Variants in ZKSCAN1 observed in about 807,000 individuals in gnomAD.
ZKSCAN1 encodes zinc finger protein with KRAB and SCAN domains 1.
Under a neutral mutation model 51.6 loss-of-function variants are expected in ZKSCAN1, and 14 were observed. The ratio of observed to expected loss-of-function variants is 0.27; its 90% CI spans 0.18 to 0.42. ZKSCAN1 has a LOEUF of 0.42. Among genes scored for constraint, ZKSCAN1 ranks in the 10% least tolerant of loss-of-function variants. ZKSCAN1 has a pLI of 1.00. For synonymous variants in ZKSCAN1, 263 were observed against 261.5 expected, an observed-to-expected ratio of 1.01 and a Z score of -0.06; for missense variants, 531 against 710.0, an observed-to-expected ratio of 0.75 and a Z score of 2.86.
intron 1 of ZKSCAN1, among the ~76,000 whole-genome samples, chr7:100,023,102 C>T (rs1408928493): frequency 6.6e-6 from 1 of 152,104 alleles, no homozygotes; most frequent in Non-Finnish European, 1.5e-5. Flanking sequence ...CCTCCACCTC[C>T]TGGGTTCAAG....
rs979871824 is a variant in ZKSCAN1, at chr7:100,033,071, C to T, written c.800-234C>T. Among the ~76,000 whole-genome samples the T allele has an allele frequency of 2.8e-4, 42 of 151,646 alleles. No homozygotes were observed. Among genetic ancestry groups the T allele is most frequent in the Non-Finnish European group, 5.1e-4 (35 of 67,974 alleles). ...CCTATAGTCCCAGCTACTTGGGAGG[C>T]TGAGGCAGGAGAATCACTTGAACCT... On this transcript the variant is annotated intron_variant, in intron 5 of 5. Coordinates refer to ENST00000324306, the MANE Select transcript of ZKSCAN1 (RefSeq NM_003439.4). This position sits in a 1 kb window ranked among gnomAD's most constrained non-coding sequence, Gnocchi z 4.1.
chr7:100,016,179 G>T (rs1163839193), intron 1 of ZKSCAN1, among the ~76,000 whole-genome samples: 5 of 152,204 alleles, frequency 3.3e-5, no homozygotes, highest in Admixed American at 3.3e-4. Flanking sequence ...TGAGCGGAAG[G>T]ATGAGAGATG....
chr7:100,016,689 A>G (rs1183513026), intron 1 of ZKSCAN1: 1 of 152,262 alleles, frequency 6.6e-6, no homozygotes, highest in Non-Finnish European at 1.5e-5. Context: ...CCCTGTACAC[A>G]GTAAGATACT....
In ZKSCAN1 at chr7:100,040,668, G is replaced by A. The variant is rs1020981188; in HGVS notation, c.*6471G>A. ...ATGGAAGGAGAAGGGGGAAGAGGAC[G>A]GTAACGGCCCCACACTCCAGGCTGA... is the stretch of plus-strand genomic sequence containing the variant. On this transcript the variant is annotated 3_prime_UTR_variant, in exon 6 of 6. Transcript: ENST00000324306. The A allele has an allele frequency of 7.6e-5, 75 of 985,452 alleles. No homozygotes were observed. In the South Asian group the frequency reaches 1.9e-3, roughly 25 times the overall value. The allele number at this position is 985,452 out of a possible 1,614,324, so 61.0% of individuals were successfully genotyped here.
Position 100,039,615 on chromosome 7 carries a change from A to T in ZKSCAN1, c.*5418A>T. The T allele has an allele frequency of 3.0e-6, 3 of 985,380 alleles. No homozygotes were observed. The highest frequency in any genetic ancestry group is 3.6e-6 in the Non-Finnish European group (3 of 829,922). The allele number at this position is 985,380 out of a possible 1,614,324, so 61.0% of individuals were successfully genotyped here. A position where few individuals can be genotyped will look rare whatever the true frequency, so the allele number is the denominator to read the frequency against. ...ACTTTTATTCCAGGTAGTCATGCTGATCTGCTTATCCAAAGCCAGCTAACC... is the reference window on the plus strand; with the variant it reads ...ACTTTTATTCCAGGTAGTCATGCTGTTCTGCTTATCCAAAGCCAGCTAACC... On this transcript the variant is annotated 3_prime_UTR_variant, in exon 6 of 6. Transcript: ENST00000324306.
At chr7:100,026,476 C>G (rs908472523) in intron 3 of ZKSCAN1, among the ~76,000 whole-genome samples, 7 of 152,050 alleles carry the variant, frequency 4.6e-5, no homozygotes, top group Middle Eastern at 3.4e-3. Context: ...TGGCTTAATC[C>G]CAGCACTTCG....
chr7:100,016,518 C>T (rs1302361922), intron 1 of ZKSCAN1, among the ~76,000 whole-genome samples: 1 of 152,076 alleles, frequency 6.6e-6, no homozygotes, highest in African/African-American at 2.4e-5. Context: ...TTGGATAAGA[C>T]GAGACACTCA....
At chr7:100,043,298 C>T (rs1791645766), downstream of ZKSCAN1, among the ~76,000 whole-genome samples, 1 of 148,220 alleles carries the variant, frequency 6.7e-6, no homozygotes, top group Admixed American at 6.7e-5. Context: ...AACTCCTGTC[C>T]TCAAGCAATC....
At chr7:100,044,674 C>G, downstream of ZKSCAN1, 1 of 555,290 alleles carries the variant, frequency 1.8e-6, no homozygotes. Flanking sequence ...GCGTGAGACT[C>G]TATCTCAAAA....
Position 100,037,928 on chromosome 7 carries a change from G to A in ZKSCAN1, c.*3731G>A. The A allele has an allele frequency of 1.2e-6, 1 of 806,978 alleles. No individual in the cohort carries two copies. The highest frequency in any genetic ancestry group is 1.5e-6 in the Non-Finnish European group (1 of 667,500). The allele number at this position is 806,978 out of a possible 1,614,324, so 50.0% of individuals were successfully genotyped here. A position where few individuals can be genotyped will look rare whatever the true frequency, so the allele number is the denominator to read the frequency against. On this transcript the variant is annotated 3_prime_UTR_variant, in exon 6 of 6. Transcript: ENST00000324306. ...CCAGCTACTCGGGAGGCTGAGGCAG[G>A]AGAATGGCTTGAACCTGCGAGGCGG...
At chr7:100,018,010 G>A (rs189176490) in intron 1 of ZKSCAN1, among the ~76,000 whole-genome samples, 4 of 152,312 alleles carry the variant, frequency 2.6e-5, no homozygotes, top group Admixed American at 6.5e-5. Context: ...ACTATTTTAA[G>A]TGCTTTATAT....
chr7:100,033,543 T>G lies in ZKSCAN1; in HGVS notation c.1038T>G (p.Gly346=), dbSNP rs1791209584. The part of the protein sequence containing the change: ...KDKKTITGER[G]PREKGKGLGR... ...AAAAAACCATCACAGGAGAGAGAGG[T>G]CCAAGGGAGAAGGGGAAAGGATTGG... Residue 346 remains glycine (G), a synonymous_variant, in exon 6 of 6, where the codon GGT becomes GGG. Transcript: ENST00000324306. The surrounding 1 kb of genome is among the most constrained non-coding windows in gnomAD (Gnocchi z 4.1). The G allele has an allele frequency of 6.2e-7, 1 of 1,613,012 alleles. No homozygotes were observed. The highest frequency in any genetic ancestry group is 8.5e-7 in the Non-Finnish European group (1 of 1,179,808).
At chr7:100,029,255 T>G (rs1790992245) in intron 3 of ZKSCAN1, among the ~76,000 whole-genome samples, 1 of 152,094 alleles carries the variant, frequency 6.6e-6, no homozygotes, top group African/African-American at 2.4e-5. Context: ...TAAAGTGTTT[T>G]TTTTGTTGTT....
At chr7:100,029,257 TTTG>T (rs1204049589) in intron 3 of ZKSCAN1, among the ~76,000 whole-genome samples, 3 of 152,226 alleles carry the variant, frequency 2.0e-5, no homozygotes, top group East Asian at 3.9e-4. Flanking sequence ...AAGTGTTTTT[TTTG>T]TTGTTGTTTT....
At chr7:100,032,690 G>A (rs750655802) in intron 5 of ZKSCAN1, among the ~76,000 whole-genome samples, 3 of 152,052 alleles carry the variant, frequency 2.0e-5, no homozygotes, top group Non-Finnish European at 4.4e-5. Context: ...GTGAAACCCC[G>A]TGTCTACTAA....
intron 1 of ZKSCAN1, among the ~76,000 whole-genome samples, chr7:100,021,371 C>T (rs1209701357): frequency 1.3e-5 from 2 of 151,910 alleles, no homozygotes; most frequent in African/African-American, 2.4e-5. Context: ...GCCCCCTGCT[C>T]CCTGCCTCAG....
At chr7:100,023,341 C>T (rs1790671309) in intron 1 of ZKSCAN1, 78 bp from the exon 2 acceptor site, 1 of 749,718 alleles carries the variant, frequency 1.3e-6, no homozygotes, top group Middle Eastern at 4.0e-4. Flanking sequence ...CCTCGATGTG[C>T]TGCCTCCTAT....
In ZKSCAN1 at chr7:100,034,335, C is replaced by T. The variant is rs1487807110; in HGVS notation, c.*138C>T. 25 of 1,444,078 alleles carry T rather than the reference C, an allele frequency of 1.7e-5. No homozygotes were observed. The highest frequency in any genetic ancestry group is 2.3e-5 in the Non-Finnish European group (25 of 1,108,324). The allele number at this position is 1,444,078 out of a possible 1,614,324, so 89.5% of individuals were successfully genotyped here. A position where few individuals can be genotyped will look rare whatever the true frequency, so the allele number is the denominator to read the frequency against. ...TCACACTTAAGGATCCTTCTAGTCA[C>T]ATCAGCAGTGTTCTGCCTTTATGTA... On this transcript the variant is annotated 3_prime_UTR_variant, in exon 6 of 6. Transcript: ENST00000324306.
downstream of ZKSCAN1, among the ~76,000 whole-genome samples, chr7:100,041,955 G>C (rs1791609562): frequency 6.6e-6 from 1 of 152,140 alleles, no homozygotes; most frequent in South Asian, 2.1e-4. Context: ...ATGATGGGAA[G>C]GGGGAGCCAA....
Sources: allele counts gnomAD v4.1 joint callset (sites outside exome capture counted in the v4.1 genomes callset), GRCh38; gene constraint gnomAD v4.1.1; non-coding constraint Gnocchi (gnomAD v3.1); transcripts MANE v1.5; gene names NCBI Gene and HGNC (gene_info 2026-07-23, HGNC 2026-07-21).